NLGN1: variants seen among roughly 807,000 people sequenced by gnomAD.
The protein encoded by NLGN1 is neuroligin 1, also known as neuroligin-1.
Under a neutral mutation model 65.5 loss-of-function variants are expected in NLGN1, and 12 were observed. The ratio of observed to expected loss-of-function variants is 0.18; its 90% CI spans 0.12 to 0.30. NLGN1 has a LOEUF of 0.30. Ranked by LOEUF, NLGN1 falls within the 10% of genes least tolerant of loss-of-function variation. NLGN1 has a pLI of 1.00. For synonymous variants in NLGN1, 350 were observed against 359.5 expected (o/e 0.97, Z 0.30); for missense variants, 750 against 1,007.1 (o/e 0.74, Z 3.46).
chr3:173,438,324 A>G (rs948992447), intron 2 of NLGN1, among the ~76,000 whole-genome samples: 1 of 152,146 alleles, frequency 6.6e-6, no homozygotes, highest in African/African-American at 2.4e-5. Flanking sequence ...TGGTTAAGAT[A>G]GGAATATAGT....
At chr3:173,710,966 T>C (rs1404248468) in intron 3 of NLGN1, among the ~76,000 whole-genome samples, 1 of 152,168 alleles carries the variant, frequency 6.6e-6, no homozygotes, top group Non-Finnish European at 1.5e-5. Flanking sequence ...AATACTCTCA[T>C]TGGCAAGATT....
chr3:173,666,292 T>A (rs568035063), intron 3 of NLGN1, among the ~76,000 whole-genome samples: 2 of 152,200 alleles, frequency 1.3e-5, no homozygotes, highest in South Asian at 4.1e-4. Context: ...AGCCTAAGTA[T>A]CCTCCTTTAG....
chr3:173,981,628 G>A (rs753747309), intron 4 of NLGN1, among the ~76,000 whole-genome samples: 2 of 152,014 alleles, frequency 1.3e-5, no homozygotes, highest in Non-Finnish European at 2.9e-5. Flanking sequence ...GTTGTGATAC[G>A]CTGTTTAATT....
At chr3:173,576,262 G>A (rs367781966) in intron 2 of NLGN1, among the ~76,000 whole-genome samples, 6 of 151,870 alleles carry the variant, frequency 4.0e-5, no homozygotes, top group African/African-American at 7.3e-5. Context: ...ATGTTTCTAT[G>A]GGCAGCACTG....
exon 7 of NLGN1, chr3:174,286,253 G>A (rs1054551561): frequency 2.0e-5 from 3 of 151,314 alleles, no homozygotes; most frequent in African/African-American, 4.8e-5. Flanking sequence ...ACCTACATAT[G>A]TATTAATGTG....
intron 2 of NLGN1, among the ~76,000 whole-genome samples, chr3:173,468,658 C>G (rs1247070633): frequency 1.3e-5 from 2 of 151,994 alleles, no homozygotes; most frequent in Non-Finnish European, 2.9e-5. Context: ...TTGAATTCAA[C>G]GTTTTCCCAT....
At chr3:173,405,543 A>G (rs756244151) in intron 1 of NLGN1, among the ~76,000 whole-genome samples, 16 of 152,250 alleles carry the variant, frequency 1.1e-4, no homozygotes, top group Admixed American at 2.0e-4. Context: ...AACTAATACC[A>G]TAGCGATAAC....
intron 3 of NLGN1, among the ~76,000 whole-genome samples, chr3:173,750,961 G>C (rs908363819): frequency 8.6e-5 from 13 of 152,024 alleles, no homozygotes; most frequent in African/African-American, 3.1e-4. Context: ...TAAGGTAGTT[G>C]TATCCAAAAA....
At chr3:173,903,952 CT>C (rs1173695776) in intron 4 of NLGN1, among the ~76,000 whole-genome samples, 12 of 149,146 alleles carry the variant, frequency 8.0e-5, no homozygotes, top group East Asian at 3.9e-4. Flanking sequence ...GAAGGCTCTT[CT>C]TTTTTTTTTC....
At chr3:173,552,841 G>C (rs1368919221) in intron 2 of NLGN1, among the ~76,000 whole-genome samples, 2 of 152,076 alleles carry the variant, frequency 1.3e-5, no homozygotes, top group African/African-American at 4.8e-5. Context: ...TGTCATACTT[G>C]TATGTTTATA....
At position 173,830,017 on chromosome 3, in the gene NLGN1, A is replaced by C. The variant is rs58263301; in HGVS notation, c.646+22185A>C. Among the ~76,000 whole-genome samples the C allele has an allele frequency of 7.1e-3, 987 of 139,456 alleles. 10 individuals carry two copies. The highest frequency in any genetic ancestry group is 0.01 in the African/African-American group (366 of 36,008). The allele number at this position is 139,456 out of a possible 152,430, so 91.5% of individuals were successfully genotyped here. A position where few individuals can be genotyped will look rare whatever the true frequency, so the allele number is the denominator to read the frequency against. The stretch of plus-strand genomic sequence containing the variant: ...TTACAGTGGGTAGTGTGGGGGGGGG[A>C]GGGAGAGAATAAAAAGAAGTCTTTG... On this transcript the variant is annotated intron_variant, in intron 4 of 6. Coordinates refer to ENST00000457714, the Ensembl canonical transcript of NLGN1.
At chr3:173,449,785 C>T (rs1276457564) in intron 2 of NLGN1, among the ~76,000 whole-genome samples, 1 of 152,184 alleles carries the variant, frequency 6.6e-6, no homozygotes, top group African/African-American at 2.4e-5. Context: ...GTTAGTTCTT[C>T]TTATTGAATT....
chr3:173,776,672 G>C (rs35314136), intron 3 of NLGN1, among the ~76,000 whole-genome samples: 14,876 of 151,964 alleles, frequency 0.098, 801 homozygotes, highest in African/African-American at 0.14. Flanking sequence ...AGGTATGGAA[G>C]TGACATGAAT....
At chr3:174,234,659 A>G (rs1741329715) in intron 4 of NLGN1, among the ~76,000 whole-genome samples, 1 of 152,070 alleles carries the variant, frequency 6.6e-6, no homozygotes, top group African/African-American at 2.4e-5. Flanking sequence ...TTTTAGAGAA[A>G]CAATGTAACA....
chr3:174,039,600 G>A (rs572116970), intron 4 of NLGN1, among the ~76,000 whole-genome samples: 31 of 152,164 alleles, frequency 2.0e-4, no homozygotes, highest in Admixed American at 1.8e-3. Context: ...GCATTCAAAG[G>A]CACCAGGTAA....
intron 4 of NLGN1, among the ~76,000 whole-genome samples, chr3:173,921,739 G>C (rs1484592651): frequency 6.6e-6 from 1 of 152,036 alleles, no homozygotes; most frequent in East Asian, 1.9e-4. Flanking sequence ...TTCTCATCAG[G>C]ATGTTCCTTC....
chr3:174,114,631 T>G (rs1208678628), intron 4 of NLGN1, among the ~76,000 whole-genome samples: 5 of 152,292 alleles, frequency 3.3e-5, no homozygotes, highest in Admixed American at 6.5e-5. Flanking sequence ...AAATTACAAT[T>G]TTGTTAAATC....
chr3:174,227,096 A>G (rs2152812452), intron 4 of NLGN1, among the ~76,000 whole-genome samples: 1 of 152,294 alleles, frequency 6.6e-6, no homozygotes, highest in East Asian at 1.9e-4. Flanking sequence ...CAATTGCATA[A>G]GCTTTGCATG....
At chr3:174,247,974 A>G (rs966777897) in intron 4 of NLGN1, among the ~76,000 whole-genome samples, 10 of 152,230 alleles carry the variant, frequency 6.6e-5, no homozygotes, top group Non-Finnish European at 1.3e-4. Flanking sequence ...GTCTGTATTC[A>G]AAAAATAAGC....
Sources: gnomAD v4.1 joint callset for allele counts (sites outside exome capture counted in the v4.1 genomes callset) on GRCh38, gnomAD v4.1.1 for gene constraint, MANE v1.5 for transcripts, NCBI Gene and HGNC (gene_info 2026-07-23, HGNC 2026-07-21) for gene names.